Variants in ARMH3 observed in about 807,000 individuals in gnomAD.
The protein encoded by ARMH3 is armadillo like helical domain containing 3.
In ARMH3, 60 loss-of-function variants were observed where a neutral mutation model predicts 99.1. The observed-to-expected ratio is 0.61, with a 90% CI of 0.49 to 0.75. The LOEUF (loss-of-function observed/expected upper bound fraction) is 0.75. Ranked by LOEUF, ARMH3 falls within the 30% of genes least tolerant of loss-of-function variation. The pLI is 0.00. For missense variants in ARMH3, 679 were observed against 843.1 expected, an observed-to-expected ratio of 0.81 and a Z score of 2.41; for synonymous variants, 285 against 292.8, an observed-to-expected ratio of 0.97 and a Z score of 0.27.
At position 101,955,043 on chromosome 10, in the gene ARMH3, C is replaced by T. The variant is rs73342884; in HGVS notation, c.1705+1554G>A. On this transcript the variant is annotated intron_variant, in intron 22 of 25. Transcript: ENST00000370033. ...ATGAGTGCTAAAACCTCTGGGGCTG[C>T]TCTTTACCCTTGGAAAATTCTACAT... Among the ~76,000 whole-genome samples, 184 of 152,280 alleles carry T rather than the reference C, an allele frequency of 1.2e-3. 1 individual carries two copies. Among genetic ancestry groups the T allele is most frequent in the African/African-American group, 4.4e-3 (182 of 41,546 alleles).
intron 2 of ARMH3, among the ~76,000 whole-genome samples, chr10:102,037,330 T>G (rs139170601): frequency 1.1e-3 from 171 of 151,844 alleles, no homozygotes; most frequent in Middle Eastern, 3.4e-3. Flanking sequence ...ATTATAAGCA[T>G]GCACCACCAC....
rs773324618 is a variant in ARMH3 at position 102,053,660 on chromosome 10, A to ATT, written c.-12+2423_-12+2424dup. On this transcript the variant is annotated intron_variant, in intron 1 of 25. Transcript: ENST00000370033. ...GCAGTATTCCCATTACACTGTATAA[A>ATT]TTTTTTTTTTTTTTTTTGAGAGGGA... Among the ~76,000 whole-genome samples the ATT allele has an allele frequency of 2.6e-3, 375 of 143,176 alleles. 2 individuals carry two copies. The highest frequency in any genetic ancestry group is 9.0e-3 in the African/African-American group (351 of 39,096). The allele number at this position is 143,176 out of a possible 152,430, so 93.9% of individuals were successfully genotyped here.
Position 101,889,321 on chromosome 10 carries a change from G to C in ARMH3, c.1860+91C>G. ...CCTGGCCCTGGTCACTACCACAAAA[G>C]CTCAGTCACAGAATCCCCCTGCCAT... On this transcript the variant is annotated intron_variant, in intron 24 of 25. Transcript: ENST00000370033. 2.3e-6 allele frequency: 3 copies of C among 1,279,634 alleles called. No homozygotes were observed. The South Asian group carries it at 3.6e-5, about 15-fold the overall frequency. The allele number at this position is 1,279,634 out of a possible 1,614,324, so 79.3% of individuals were successfully genotyped here.
At chr10:101,956,521 T>C in intron 22 of ARMH3, 76 bp downstream of exon 22, 1 of 1,544,978 alleles carries the variant, frequency 6.5e-7, no homozygotes, top group South Asian at 1.2e-5. Flanking sequence ...AGGAGAATCT[T>C]TCGTAGTCTT....
intron 13 of ARMH3, among the ~76,000 whole-genome samples, chr10:102,008,767 G>A (rs371495863): frequency 9.9e-5 from 15 of 151,118 alleles, no homozygotes; most frequent in Admixed American, 8.6e-4. Context: ...GGGTTTCACC[G>A]TGTTAGCCAG....
chr10:102,006,702 A>T, intron 13 of ARMH3, 69 bp from the exon 14 acceptor site: 2 of 1,393,818 alleles, frequency 1.4e-6, no homozygotes, highest in Non-Finnish European at 2.0e-6. Context: ...AGTGCCTAAT[A>T]CCAATAAGGA....
intron 19 of ARMH3, among the ~76,000 whole-genome samples, chr10:101,985,789 G>C (rs1453024934): frequency 6.6e-6 from 1 of 152,112 alleles, no homozygotes; most frequent in African/African-American, 2.4e-5. Flanking sequence ...GGCCGAGGTG[G>C]ATGGGTCACC....
At chr10:101,939,572 T>C (rs981774950) in intron 23 of ARMH3, among the ~76,000 whole-genome samples, 1 of 152,222 alleles carries the variant, frequency 6.6e-6, no homozygotes, top group Non-Finnish European at 1.5e-5. Flanking sequence ...AGTTTTCAGA[T>C]GACCTATACA....
chr10:102,005,480 C>T (rs2136080754), intron 14 of ARMH3, among the ~76,000 whole-genome samples: 1 of 152,102 alleles, frequency 6.6e-6, no homozygotes, highest in South Asian at 2.1e-4. Context: ...TGGCACCTCC[C>T]TGTCATAGTT....
At chr10:101,932,331 C>T (rs1396095169) in intron 23 of ARMH3, among the ~76,000 whole-genome samples, 1 of 152,182 alleles carries the variant, frequency 6.6e-6, no homozygotes, top group Admixed American at 6.5e-5. Flanking sequence ...TGGAAAGTAA[C>T]ATGGTGCAGC....
At chr10:101,923,833 TAAAAG>T (rs1843397153) in intron 23 of ARMH3, among the ~76,000 whole-genome samples, 1 of 152,200 alleles carries the variant, frequency 6.6e-6, no homozygotes, top group Non-Finnish European at 1.5e-5. Flanking sequence ...GACTTTTCCA[TAAAAG>T]AGTCTTATTT....
chr10:102,035,619 T>C (rs969768540), intron 2 of ARMH3, among the ~76,000 whole-genome samples: 1 of 152,264 alleles, frequency 6.6e-6, no homozygotes, highest in South Asian at 2.1e-4. Context: ...TTGGCCGGGC[T>C]GGTCTCCAGC....
chr10:102,055,134 C>T (rs2067809140), intron 1 of ARMH3, among the ~76,000 whole-genome samples: 1 of 151,614 alleles, frequency 6.6e-6, no homozygotes. Flanking sequence ...CCAGCCTGAC[C>T]AACATGGAGA....
chr10:101,932,338 C>G (rs1176952492), intron 23 of ARMH3, among the ~76,000 whole-genome samples: 9 of 152,164 alleles, frequency 5.9e-5, no homozygotes, highest in Admixed American at 5.9e-4. Flanking sequence ...TAACATGGTG[C>G]AGCCACTTTG....
intron 5 of ARMH3, 193 bp downstream of exon 5, chr10:102,029,445 A>C: frequency 6.5e-7 from 1 of 1,544,266 alleles, no homozygotes; most frequent in Non-Finnish European, 8.7e-7. Flanking sequence ...ACCTCCATTC[A>C]AATTTGAATT....
At chr10:102,051,762 C>T (rs1349693713) in intron 1 of ARMH3, among the ~76,000 whole-genome samples, 1 of 152,212 alleles carries the variant, frequency 6.6e-6, no homozygotes, top group Admixed American at 6.5e-5. Flanking sequence ...TCTGTACCTA[C>T]TACAGGTCAA....
chr10:101,956,440 A>G (rs1393533063), intron 22 of ARMH3, among the ~76,000 whole-genome samples, 157 bp downstream of exon 22: 4 of 152,206 alleles, frequency 2.6e-5, no homozygotes, highest in Non-Finnish European at 4.4e-5. Flanking sequence ...AAAGGCCCAC[A>G]TGTACCTTCC....
chr10:101,959,924 T>A (rs1481465202), intron 20 of ARMH3, among the ~76,000 whole-genome samples: 1 of 152,152 alleles, frequency 6.6e-6, no homozygotes, highest in Non-Finnish European at 1.5e-5. Context: ...ACGCCTGTAA[T>A]CCTAGCACTT....
intron 23 of ARMH3, among the ~76,000 whole-genome samples, chr10:101,914,972 ACTTT>A (rs750240214): frequency 2.0e-5 from 3 of 150,682 alleles, no homozygotes; most frequent in Non-Finnish European, 4.4e-5. Context: ...GCTTTTTGTT[ACTTT>A]CTACACTCTG....
Sources: gnomAD v4.1 joint callset for allele counts (sites outside exome capture counted in the v4.1 genomes callset) on GRCh38, gnomAD v4.1.1 for gene constraint, MANE v1.5 for transcripts, NCBI Gene and HGNC (gene_info 2026-07-23, HGNC 2026-07-21) for gene names.